ASDURF: variants seen among roughly 807,000 people sequenced by gnomAD.
ASDURF encodes ASDURF protein.
Under a neutral mutation model 3.3 loss-of-function variants are expected in ASDURF, and 3 were observed. That is an observed-to-expected ratio of 0.92 (90% CI 0.42 to 2.37). ASDURF has a LOEUF of 2.37. Ranked by LOEUF, ASDURF falls within the 30% of genes most tolerant of loss-of-function variation. The pLI, the probability that ASDURF is intolerant of heterozygous loss-of-function variation, is 0.05. For synonymous variants in ASDURF, 11 were observed against 8.3 expected, an observed-to-expected ratio of 1.32 and a Z score of -0.55; for missense variants, 23 against 25.4, an observed-to-expected ratio of 0.90 and a Z score of 0.21.
intron 2 of ASDURF, among the ~76,000 whole-genome samples, chr2:189,664,501 G>A (rs1198306670): frequency 6.6e-6 from 1 of 152,208 alleles, no homozygotes; most frequent in East Asian, 1.9e-4. Context: ...AGGAAGAAAT[G>A]AGTTTGAGCT....
intron 1 of ASDURF, among the ~76,000 whole-genome samples, chr2:189,662,634 G>A (rs2032693729): frequency 6.6e-6 from 1 of 152,194 alleles, no homozygotes; most frequent in Non-Finnish European, 1.5e-5. Context: ...ACGCATACTG[G>A]TGGTTACAGA....
At chr2:189,663,984 T>A (rs1268183081) in intron 2 of ASDURF, 30 bp downstream of exon 2, 3 of 383,682 alleles carry the variant, frequency 7.8e-6, no homozygotes, top group Non-Finnish European at 1.4e-5. Flanking sequence ...CTGAATAATA[T>A]GTGGGAGGTT....
chr2:189,665,029 G>A (rs1026297465), intron 2 of ASDURF, among the ~76,000 whole-genome samples: 1 of 152,218 alleles, frequency 6.6e-6, no homozygotes, highest in African/African-American at 2.4e-5. Flanking sequence ...ATAGCAGTAG[G>A]TATAATTTGG....
At position 189,666,104 on chromosome 2, in the gene ASDURF, A is replaced by G. The variant is rs1433912359; in HGVS notation, c.284A>G (p.Lys95Arg). 13 of 1,499,954 alleles carry G rather than the reference A, an allele frequency of 8.7e-6. No individual in the cohort carries two copies. In the East Asian group the frequency reaches 3.0e-4, roughly 35 times the overall value. 92.9% of individuals were successfully genotyped at this position (1,499,954 alleles called of 1,614,324 possible). A position where few individuals can be genotyped will look rare whatever the true frequency, so the allele number is the denominator to read the frequency against. Residue 95 changes from lysine (K) to arginine (R), a missense_variant, in exon 4 of 4, where the codon AAG becomes AGG. Lys to Arg is a conservative substitution (Grantham distance 26). Transcript: ENST00000607829. ...GAAAACTTAGACAAGACCAAAATCA[A>G]GAAATAGTCAACCTGATTTCACATA... ...EIENLDKTKI[K>R]K
chr2:189,662,028 A>G (rs985378888), intron 1 of ASDURF, among the ~76,000 whole-genome samples: 3 of 152,156 alleles, frequency 2.0e-5, no homozygotes, highest in African/African-American at 7.2e-5. Context: ...CATTTCAAAT[A>G]TGTCCCTTTA....
At position 189,662,555 on chromosome 2, in the gene ASDURF, C is replaced by G. The variant is rs112714829; in HGVS notation, c.90+945C>G. Among the ~76,000 whole-genome samples the G allele has an allele frequency of 9.1e-3, 1,384 of 152,210 alleles. 22 individuals carry two copies. The highest frequency in any genetic ancestry group is 0.032 in the African/African-American group (1,323 of 41,496). On this transcript the variant is annotated intron_variant, in intron 1 of 3. Coordinates refer to ENST00000607829, the MANE Select transcript of ASDURF (RefSeq NM_001353493.2). ...CGGGGGAGACAGAAAGGTGCACATT[C>G]ATGGGGATTGGGGGTGAATTTTCAA...
chr2:189,663,347 G>A (rs1002571912), intron 1 of ASDURF, among the ~76,000 whole-genome samples: 2 of 151,988 alleles, frequency 1.3e-5, no homozygotes, highest in Admixed American at 6.6e-5. Context: ...TCCGCCTCCC[G>A]GGTTCAAGCA....
At chr2:189,665,004 ATATAT>A (rs752421689) in intron 2 of ASDURF, among the ~76,000 whole-genome samples, 11 of 152,342 alleles carry the variant, frequency 7.2e-5, no homozygotes, top group African/African-American at 1.2e-4. Flanking sequence ...ATAAACTGTA[ATATAT>A]TATATCTATA....
chr2:189,665,500 C>A, intron 3 of ASDURF, 49 bp downstream of exon 3: 1 of 390,912 alleles, frequency 2.6e-6, no homozygotes, highest in South Asian at 1.3e-4. Context: ...AAATTATACT[C>A]ATCTGAGTGT....
Position 189,661,473 on chromosome 2 carries a change from A to C in ASDURF, c.-48A>C, listed in dbSNP as rs1284350146. Reference sequence around the variant, plus strand: ...GCGCATGCGCTGTGGCTAATGCCGTAGGCTCCTTCAGGGCTGAGCCATCCC... The same window carrying C: ...GCGCATGCGCTGTGGCTAATGCCGTCGGCTCCTTCAGGGCTGAGCCATCCC... On this transcript the variant is annotated 5_prime_UTR_variant, in exon 1 of 4. It removes the in-frame stop codon of an upstream open reading frame in the 5' UTR. Transcript: ENST00000607829. 2 of 399,080 alleles carry C rather than the reference A, an allele frequency of 5.0e-6. No individual in the cohort carries two copies. Among genetic ancestry groups the C allele is most frequent in the Admixed American group, 8.8e-5 (2 of 22,716 alleles). The allele number at this position is 399,080 out of a possible 1,614,324, so 24.7% of individuals were successfully genotyped here.
At chr2:189,664,746 CAA>C (rs545748114) in intron 2 of ASDURF, among the ~76,000 whole-genome samples, 11 of 123,006 alleles carry the variant, frequency 8.9e-5, no homozygotes, top group Admixed American at 1.7e-4. Context: ...GACTCCTTCT[CAA>C]AAAAAAAAAA....
In ASDURF at chr2:189,663,657, A is replaced by G. The variant is rs143982416; in HGVS notation, c.91-244A>G. Among the ~76,000 whole-genome samples, 256 of 152,332 alleles carry G rather than the reference A, an allele frequency of 1.7e-3. 2 individuals carry two copies. The highest frequency in any genetic ancestry group is 6.0e-3 in the African/African-American group (249 of 41,578). On this transcript the variant is annotated intron_variant, in intron 1 of 3. Transcript: ENST00000607829. ...AACACGAAAATCCCTGTCTGGTCTT[A>G]ATGGGTTACCTAACATTTTGCAAGT...
At chr2:189,664,652 G>T (rs1022144420) in intron 2 of ASDURF, among the ~76,000 whole-genome samples, 1 of 152,108 alleles carries the variant, frequency 6.6e-6, no homozygotes, top group South Asian at 2.1e-4. Context: ...AGGAGGCCGA[G>T]GCACAAGAAT....
intron 1 of ASDURF, among the ~76,000 whole-genome samples, 173 bp from the exon 2 acceptor site, chr2:189,663,728 C>G (rs2032725891): frequency 6.6e-6 from 1 of 152,172 alleles, no homozygotes; most frequent in Admixed American, 6.5e-5. Context: ...ACTGTACCCC[C>G]ACACAGAGAC....
intron 3 of ASDURF, 144 bp from the exon 4 acceptor site, chr2:189,665,897 T>C (rs2032790353): frequency 7.1e-6 from 3 of 419,978 alleles, no homozygotes; most frequent in Non-Finnish European, 1.3e-5. Flanking sequence ...TAGTAGCCTG[T>C]TGTTAATTAT....
At position 189,665,873 on chromosome 2, in the gene ASDURF, T is replaced by C. The variant is rs139351549; in HGVS notation, c.221-168T>C. 1.0e-3 allele frequency among the ~76,000 whole-genome samples: 159 copies of C among 152,116 alleles called. 2 individuals carry two copies. Among genetic ancestry groups the C allele is most frequent in the African/African-American group, 3.4e-3 (141 of 41,508 alleles). On this transcript the variant is annotated intron_variant, in intron 3 of 3. Transcript: ENST00000607829. ...AAACAGAAGCTATTTTTCTAAAAGATAAACATTCTTTATTAGTAGCCTGTT... is the reference window on the plus strand; with the variant it reads ...AAACAGAAGCTATTTTTCTAAAAGACAAACATTCTTTATTAGTAGCCTGTT...
chr2:189,662,485 CA>C (rs763332155), intron 1 of ASDURF, among the ~76,000 whole-genome samples: 2 of 152,174 alleles, frequency 1.3e-5, no homozygotes, highest in Non-Finnish European at 2.9e-5. Context: ...AGAATGTTTA[CA>C]AATTTGGCCT....
intron 1 of ASDURF, among the ~76,000 whole-genome samples, chr2:189,663,473 G>A (rs142096153): frequency 0.11 from 16,599 of 152,030 alleles, 1,412 homozygotes; most frequent in African/African-American, 0.24. Context: ...GGCTGGTCTC[G>A]AACTCCCGAC....
chr2:189,661,670 G>A (rs2032667719), intron 1 of ASDURF, 60 bp downstream of exon 1: 1 of 399,110 alleles, frequency 2.5e-6, no homozygotes, highest in Non-Finnish European at 4.4e-6. Context: ...ACTGGACCCT[G>A]AAGGTGGTCC....
Sources: gnomAD v4.1 joint callset for allele counts (sites outside exome capture counted in the v4.1 genomes callset) on GRCh38, gnomAD v4.1.1 for gene constraint, MANE v1.5 for transcripts, NCBI Gene and HGNC (gene_info 2026-07-23, HGNC 2026-07-21) for gene names.